The following SNCAIP variants were observed in gnomAD, a reference collection of about 807,000 sequenced individuals.
The protein encoded by SNCAIP is synuclein alpha interacting protein.
A neutral mutation model predicts 86.7 loss-of-function variants in SNCAIP; 43 were observed. The ratio of observed to expected loss-of-function variants is 0.50; its 90% CI spans 0.39 to 0.64. The LOEUF (loss-of-function observed/expected upper bound fraction) is 0.64, where lower values mean the gene tolerates loss of function less well. SNCAIP is among the 30% of genes least tolerant of loss of function. The pLI is 0.00. For synonymous variants in SNCAIP, 417 were observed against 427.2 expected (o/e 0.98, Z 0.29); for missense variants, 981 against 1,103.1 (o/e 0.89, Z 1.57).
intron 1 of SNCAIP, among the ~76,000 whole-genome samples, chr5:122,339,455 A>G (rs1430682219): frequency 2.6e-5 from 4 of 152,090 alleles, no homozygotes; most frequent in African/African-American, 9.7e-5. Flanking sequence ...AAATATAGTA[A>G]CCCTCCAGTT....
rs182095366 is a variant in SNCAIP, at chr5:122,369,530, G to C, written c.-46-21559G>C. ...AGTCTGAGATTTGGAAAACAGCCTG[G>C]CCCATATAAATTCTCCCTTAATTCT... On this transcript the variant is annotated intron_variant, in intron 1 of 10. Coordinates refer to ENST00000261368, the MANE Select transcript of SNCAIP (RefSeq NM_005460.4). Among the ~76,000 whole-genome samples the C allele has an allele frequency of 5.0e-3, 761 of 152,242 alleles. 9 individuals are homozygous for C. The highest frequency in any genetic ancestry group is 0.016 in the African/African-American group (657 of 41,552).
chr5:122,433,415 C>T (rs1451910686), intron 6 of SNCAIP, among the ~76,000 whole-genome samples: 1 of 152,060 alleles, frequency 6.6e-6, no homozygotes, highest in Non-Finnish European at 1.5e-5. Context: ...CACTTCAGGG[C>T]CAGATCCTGT....
intron 2 of SNCAIP, among the ~76,000 whole-genome samples, chr5:122,399,949 G>T (rs973932483): frequency 3.0e-4 from 45 of 152,078 alleles, no homozygotes; most frequent in Non-Finnish European, 4.7e-4. Context: ...ATCCTAGGTT[G>T]TGTTGATACC....
chr5:122,343,791 C>T (rs1758056300), intron 1 of SNCAIP, among the ~76,000 whole-genome samples: 1 of 152,098 alleles, frequency 6.6e-6, no homozygotes, highest in South Asian at 2.1e-4. Context: ...GTTGTCATTG[C>T]CAAAAATGTC....
chr5:122,415,272 A>G (rs1775075301), intron 3 of SNCAIP, among the ~76,000 whole-genome samples: 1 of 152,218 alleles, frequency 6.6e-6, no homozygotes, highest in African/African-American at 2.4e-5. Flanking sequence ...GGGCAGACCC[A>G]CAGACCTGCC....
At chr5:122,386,851 A>G (rs1423140856) in intron 1 of SNCAIP, among the ~76,000 whole-genome samples, 1 of 152,130 alleles carries the variant, frequency 6.6e-6, no homozygotes, top group African/African-American at 2.4e-5. Context: ...CACATAACAT[A>G]CCTGCCTAAA....
At chr5:122,422,774 G>T in intron 3 of SNCAIP, 94 bp from the exon 4 acceptor site, 1 of 1,029,828 alleles carries the variant, frequency 9.7e-7, no homozygotes. Context: ...ACCTTAATTT[G>T]AACATAATGT....
At chr5:122,373,727 T>A (rs1764720170) in intron 1 of SNCAIP, among the ~76,000 whole-genome samples, 1 of 152,228 alleles carries the variant, frequency 6.6e-6, no homozygotes, top group Admixed American at 6.5e-5. Context: ...GGTATCATAT[T>A]GGATTCAGCT....
intron 3 of SNCAIP, among the ~76,000 whole-genome samples, chr5:122,407,783 A>C (rs796267198): frequency 1.1e-4 from 17 of 152,358 alleles, no homozygotes; most frequent in African/African-American, 4.1e-4. Flanking sequence ...CAAAAAAGAA[A>C]AAAAATAGTC....
chr5:122,337,037 G>C (rs1285125222), intron 1 of SNCAIP: 1 of 152,208 alleles, frequency 6.6e-6, no homozygotes, highest in Admixed American at 6.5e-5. Context: ...TGAATTAACA[G>C]GTAAAAGAAA....
intron 1 of SNCAIP, among the ~76,000 whole-genome samples, chr5:122,357,870 GA>G (rs1761365002): frequency 6.6e-6 from 1 of 152,048 alleles, no homozygotes; most frequent in African/African-American, 2.4e-5. Context: ...CACAGATACA[GA>G]ACATTTCCAT....
chr5:122,441,355 C>A, intron 7 of SNCAIP: 1 of 154,724 alleles, frequency 6.5e-6, no homozygotes, highest in Non-Finnish European at 1.4e-5. Context: ...CCTTGATTGC[C>A]CAACCACTGC....
Position 122,425,572 on chromosome 5 carries a change from G to A in SNCAIP, c.1182+41G>A, listed in dbSNP as rs776384971. On this transcript the variant is annotated intron_variant, in intron 5 of 10. Coordinates refer to ENST00000261368, the MANE Select transcript of SNCAIP (RefSeq NM_005460.4). ...CTGGAACCTCCACAGCTAGAAGCTG[G>A]ATTTCTATTTTTTAAGATTCCTTGT... 2.6e-6 allele frequency: 4 copies of A among 1,546,478 alleles called. No individual in the cohort carries two copies. The Admixed American group carries it at 5.0e-5, about 19-fold the overall frequency.
intron 1 of SNCAIP, among the ~76,000 whole-genome samples, chr5:122,353,876 G>T (rs1173129750): frequency 1.3e-5 from 2 of 152,118 alleles, no homozygotes; most frequent in African/African-American, 4.8e-5. Context: ...AGATGAGAAT[G>T]GGGTAGGGGT....
At chr5:122,337,523 TTTTG>T (rs141566797) in intron 1 of SNCAIP, among the ~76,000 whole-genome samples, 27,673 of 151,302 alleles carry the variant, frequency 0.18, 2,758 homozygotes, top group South Asian at 0.31. Flanking sequence ...TTTTTTAGGA[TTTTG>T]TTTGTTTGTT....
intron 1 of SNCAIP, among the ~76,000 whole-genome samples, chr5:122,351,269 G>A (rs948903688): frequency 7.2e-5 from 11 of 151,940 alleles, no homozygotes; most frequent in Admixed American, 3.9e-4. Flanking sequence ...AGGCGCGGTC[G>A]CTCACATCTG....
intron 3 of SNCAIP, among the ~76,000 whole-genome samples, chr5:122,409,594 T>C (rs568337542): frequency 2.6e-5 from 4 of 152,368 alleles, no homozygotes; most frequent in African/African-American, 7.2e-5. Context: ...AAGGAAACAG[T>C]ACTTTTTAAA....
At chr5:122,385,960 T>C (rs1194746196) in intron 1 of SNCAIP, among the ~76,000 whole-genome samples, 2 of 152,170 alleles carry the variant, frequency 1.3e-5, no homozygotes, top group Non-Finnish European at 2.9e-5. Flanking sequence ...AGCTGACTCC[T>C]TGTAAAATAG....
chr5:122,438,502 T>A (rs1780044563), intron 6 of SNCAIP, among the ~76,000 whole-genome samples: 1 of 152,212 alleles, frequency 6.6e-6, no homozygotes, highest in African/African-American at 2.4e-5. Flanking sequence ...ATTATCTTAC[T>A]TGTTTGTATT....
Sources: gnomAD v4.1 joint callset for allele counts (sites outside exome capture counted in the v4.1 genomes callset) on GRCh38, gnomAD v4.1.1 for gene constraint, MANE v1.5 for transcripts, NCBI Gene and HGNC (gene_info 2026-07-23, HGNC 2026-07-21) for gene names.